Variants in SMC5 observed in about 807,000 individuals in gnomAD.
The protein encoded by SMC5 is structural maintenance of chromosomes 5, also known as structural maintenance of chromosomes protein 5.
Under a neutral mutation model 148.3 loss-of-function variants are expected in SMC5, and 88 were observed. The observed-to-expected ratio is 0.59, with a 90% CI of 0.50 to 0.71. The LOEUF is 0.71. Among genes scored for constraint, SMC5 ranks in the 30% least tolerant of loss-of-function variants. The pLI is 0.00. For synonymous variants in SMC5, 421 were observed against 432.8 expected (o/e 0.97, Z 0.34); for missense variants, 1,142 against 1,298.9 (o/e 0.88, Z 1.86).
At chr9:70,315,801 A>G (rs1404453371) in intron 13 of SMC5, among the ~76,000 whole-genome samples, 2 of 152,106 alleles carry the variant, frequency 1.3e-5, no homozygotes, top group Non-Finnish European at 2.9e-5. Flanking sequence ...TAGAATAAAT[A>G]CTTAATACAT....
chr9:70,335,045 C>T (rs1028510025), intron 17 of SMC5, among the ~76,000 whole-genome samples: 5 of 152,278 alleles, frequency 3.3e-5, no homozygotes, highest in Admixed American at 6.5e-5. Flanking sequence ...AACTGTCATA[C>T]GCCACTGGTG....
At position 70,286,184 on chromosome 9, in the gene SMC5, C is replaced by G. The variant is rs757431169; in HGVS notation, c.982-16C>G. The G allele has an allele frequency of 1.3e-6, 2 of 1,500,992 alleles. No homozygotes were observed. The highest frequency in any genetic ancestry group is 1.8e-6 in the Non-Finnish European group (2 of 1,087,048). 93.0% of individuals were successfully genotyped at this position (1,500,992 alleles called of 1,614,324 possible). A position where few individuals can be genotyped will look rare whatever the true frequency, so the allele number is the denominator to read the frequency against. Reference sequence around the variant, plus strand: ...TTAACTAGCTGTCCCCCCCTCTCCCCGGTTTAATTTTACAGGCAACAGATA... The same window carrying G: ...TTAACTAGCTGTCCCCCCCTCTCCCGGGTTTAATTTTACAGGCAACAGATA... On this transcript the variant is annotated splice_polypyrimidine_tract_variant and intron_variant, in intron 7 of 24. Coordinates refer to ENST00000361138, the MANE Select transcript of SMC5 (RefSeq NM_015110.4).
intron 17 of SMC5, among the ~76,000 whole-genome samples, chr9:70,328,716 T>C (rs928257719): frequency 6.6e-6 from 1 of 152,130 alleles, no homozygotes; most frequent in Admixed American, 6.5e-5. Context: ...TTCTCACAGC[T>C]CCACTAGGCA....
chr9:70,352,323 C>A lies in SMC5; in HGVS notation c.3298C>A (p.Pro1100Thr). ...GCGGCGCCGTATTACATTCACTCAA[C>A]CTTCTTAATAAAAGTAAAGAGAGGG... ...RRRRRITFTQ[P>T]S Residue 1100 changes from proline to threonine, a missense_variant, in exon 25 of 25, where the codon CCT becomes ACT. By Grantham distance (38) the Pro-to-Thr change is conservative (BLOSUM62 -1). Transcript: ENST00000361138. 1.3e-6 allele frequency: 2 copies of A among 1,591,092 alleles called. No homozygotes were observed. The highest frequency in any genetic ancestry group is 1.2e-5 in the South Asian group (1 of 86,308).
Position 70,350,450 on chromosome 9 carries a change from A to G in SMC5, c.3144A>G (p.Gln1048=), listed in dbSNP as rs762883624. Residue 1048 remains glutamine, a synonymous_variant, in exon 24 of 25, where the codon CAA becomes CAG. Transcript: ENST00000361138. ...CTGCCTGTAAAGAAAATACATCTCA[A>G]TACTTTTTCATAACACCAAAGGTAG... ...VNTACKENTS[Q]YFFITPKLLQ... The G allele has an allele frequency of 2.5e-6, 4 of 1,595,938 alleles. No homozygotes were observed. The highest frequency in any genetic ancestry group is 3.4e-6 in the Non-Finnish European group (4 of 1,173,882).
At position 70,278,562 on chromosome 9, in the gene SMC5, C is replaced by G. The variant is rs542936923; in HGVS notation, c.615C>G (p.Pro205=). ...LLEATEKSIG[P]PEMHKYHCEL... ...AAGCCACTGAAAAGTCAATTGGTCC[C>G]CCAGAAATGCACAAATATCACTGTG... is the stretch of plus-strand genomic sequence containing the variant. The change falls in exon 5 of 25, where the codon CCC becomes CCG. Residue 205 remains proline, a synonymous_variant. Coordinates refer to ENST00000361138, the MANE Select transcript of SMC5 (RefSeq NM_015110.4). 6 of 1,610,812 alleles carry G rather than the reference C, an allele frequency of 3.7e-6. No individual in the cohort carries two copies. In the African/African-American group the frequency reaches 8.0e-5, roughly 22 times the overall value.
chr9:70,323,627 T>G, intron 16 of SMC5, 21 bp downstream of exon 16: 1 of 1,598,096 alleles, frequency 6.3e-7, no homozygotes, highest in South Asian at 1.1e-5. Context: ...GTTTTAATTT[T>G]AGTCATTTTT....
At chr9:70,300,687 A>T (rs552257085) in intron 10 of SMC5, among the ~76,000 whole-genome samples, 1 of 152,256 alleles carries the variant, frequency 6.6e-6, no homozygotes, top group East Asian at 1.9e-4. Flanking sequence ...TTTGTTGATG[A>T]TTGCGGGTCA....
In SMC5 at chr9:70,259,055, C is replaced by G; in HGVS notation, c.-24C>G. The stretch of plus-strand genomic sequence containing the variant: ...TGCCGGACGGTGGGAACGGAAGTCG[C>G]TGTGGGACGCTGAGGAAGCCAGGAT... On this transcript the variant is annotated 5_prime_UTR_variant, in exon 1 of 25. Coordinates refer to ENST00000361138, the MANE Select transcript of SMC5 (RefSeq NM_015110.4). The G allele has an allele frequency of 6.3e-7, 1 of 1,588,292 alleles. No homozygotes were observed. The highest frequency in any genetic ancestry group is 1.1e-5 in the South Asian group (1 of 87,984).
chr9:70,310,688 TC>T (rs1479183362), intron 11 of SMC5, among the ~76,000 whole-genome samples: 3 of 152,224 alleles, frequency 2.0e-5, no homozygotes, highest in Non-Finnish European at 1.5e-5. Flanking sequence ...GTTATGAAAG[TC>T]CTAGATGGCA....
chr9:70,278,880 T>TA lies in SMC5; in HGVS notation c.678+264dup, dbSNP rs562039434. 1.3e-3 allele frequency among the ~76,000 whole-genome samples: 194 copies of TA among 151,782 alleles called. No homozygotes were observed. The South Asian group carries it at 0.023, about 18-fold the overall frequency. On this transcript the variant is annotated intron_variant, in intron 5 of 24. Coordinates refer to ENST00000361138, the MANE Select transcript of SMC5 (RefSeq NM_015110.4). Reference sequence around the variant, plus strand: ...TTTTAAGGAACCAGTAACAGTATTATAAAAAAAAATTATCTCAGGAAGTTA... The same window carrying TA: ...TTTTAAGGAACCAGTAACAGTATTATAAAAAAAAAATTATCTCAGGAAGTTA...
intron 8 of SMC5, among the ~76,000 whole-genome samples, chr9:70,289,875 A>ATATTATTAT (rs61565465): frequency 3.3e-4 from 49 of 149,562 alleles, no homozygotes; most frequent in East Asian, 9.7e-4. Context: ...GTTATTTAAA[A>ATATTATTAT]TATTATTATT....
At chr9:70,263,384 C>T (rs938820475) in intron 1 of SMC5, among the ~76,000 whole-genome samples, 1 of 152,120 alleles carries the variant, frequency 6.6e-6, no homozygotes, top group Non-Finnish European at 1.5e-5. Context: ...TCATTAATTT[C>T]TTAAAATATT....
intron 17 of SMC5, among the ~76,000 whole-genome samples, chr9:70,324,690 T>G (rs1041168012): frequency 5.9e-5 from 9 of 152,100 alleles, no homozygotes; most frequent in Non-Finnish European, 1.0e-4. Flanking sequence ...GTCTTCAAGT[T>G]TAGGGGTCTC....
intron 3 of SMC5, among the ~76,000 whole-genome samples, chr9:70,273,618 A>T (rs2034509352): frequency 6.6e-6 from 1 of 152,034 alleles, no homozygotes; most frequent in Non-Finnish European, 1.5e-5. Flanking sequence ...CCCACTTACT[A>T]CTTTAGCTCC....
At chr9:70,305,482 A>G in intron 11 of SMC5, 122 bp downstream of exon 11, 1 of 609,608 alleles carries the variant, frequency 1.6e-6, no homozygotes, top group Non-Finnish European at 3.0e-6. Context: ...CTCATGCAAA[A>G]TCACTCTGTT....
rs745801031 is a variant in SMC5 at position 70,300,166 on chromosome 9, T to C, written c.1430T>C (p.Phe477Ser). ...TGGCTAAGAAATAACAGAGACAAATTTAAACAAAGAGTCTGTGAGCCCATA... is the reference window on the plus strand; with the variant it reads ...TGGCTAAGAAATAACAGAGACAAATCTAAACAAAGAGTCTGTGAGCCCATA... ...VLWLRNNRDK[F>S]KQRVCEPIML... Residue 477 changes from phenylalanine to serine, a missense_variant, in exon 10 of 25, where the codon TTT becomes TCT. Phe to Ser is a radical substitution (Grantham distance 155). Around this residue, in one of 5 missense-constraint regions of SMC5, gnomAD observed 743 missense variants for 835.7 expected, o/e 0.89. Coordinates refer to ENST00000361138, the MANE Select transcript of SMC5 (RefSeq NM_015110.4). 1.9e-6 allele frequency: 3 copies of C among 1,601,308 alleles called. No homozygotes were observed. The highest frequency in any genetic ancestry group is 2.5e-6 in the Non-Finnish European group (3 of 1,176,536).
intron 5 of SMC5, 73 bp downstream of exon 5, chr9:70,278,698 A>G: frequency 1.4e-6 from 2 of 1,417,414 alleles, no homozygotes; most frequent in Non-Finnish European, 1.9e-6. Flanking sequence ...GAGAGAGAGT[A>G]GTAGTATTGA....
intron 11 of SMC5, 21 bp downstream of exon 11, chr9:70,305,381 C>T: frequency 7.7e-7 from 1 of 1,292,324 alleles, no homozygotes; most frequent in Non-Finnish European, 1.1e-6. Context: ...ACCAACACAA[C>T]ACTTTGATTC....
Sources: gnomAD v4.1 joint callset for allele counts (sites outside exome capture counted in the v4.1 genomes callset) on GRCh38, gnomAD v4.1.1 for gene constraint, gnomAD v4.1.1 regional missense constraint, MANE v1.5 for transcripts, NCBI Gene and HGNC (gene_info 2026-07-23, HGNC 2026-07-21) for gene names.